Variants in EYS observed in about 807,000 individuals in gnomAD.
EYS encodes the protein protein eyes shut homolog.
In EYS, 250 loss-of-function variants were observed where a neutral mutation model predicts 282.1. The observed-to-expected ratio is 0.89, with a 90% CI of 0.80 to 0.98. The LOEUF (loss-of-function observed/expected upper bound fraction) is 0.98, where lower values mean the gene tolerates loss of function less well. Ranked by LOEUF, EYS falls within the 50% of genes least tolerant of loss-of-function variation. The pLI is 0.00. For synonymous variants in EYS, 1,355 were observed against 1,282.9 expected (o/e 1.06, Z -1.20); for missense variants, 4,016 against 3,709.0 (o/e 1.08, Z -2.15).
chr6:64,167,420 C>A (rs73443031), intron 31 of EYS, among the ~76,000 whole-genome samples: 23 of 152,226 alleles, frequency 1.5e-4, no homozygotes, highest in African/African-American at 5.5e-4. Context: ...ATGACAATGC[C>A]AATATTCAGA....
Position 65,384,487 on chromosome 6 carries a change from A to C in EYS, c.1198T>G (p.Phe400Val), listed in dbSNP as rs1162855017. 1.3e-6 allele frequency: 2 copies of C among 1,566,092 alleles called. No individual in the cohort carries two copies. Among genetic ancestry groups the C allele is most frequent in the Admixed American group, 1.7e-5 (1 of 59,644 alleles). The change falls in exon 8 of 43, where the codon TTT becomes GTT. Residue 400 changes from phenylalanine to valine, a missense_variant. Phe to Val is a conservative substitution (Grantham distance 50). Coordinates refer to ENST00000503581, the MANE Select transcript of EYS (RefSeq NM_001142800.2). ...KDYPCSCISGFTEKNCEKAID... is the reference protein window; with the variant it reads ...KDYPCSCISGVTEKNCEKAID... ...GCTTTCTCACAGTTTTTTTCAGTAA[A>C]TCCTGATATACAGCTGTAAATACAT... is the stretch of plus-strand genomic sequence containing the variant.
chr6:64,316,620 T>A (rs1723154905), intron 29 of EYS, among the ~76,000 whole-genome samples: 1 of 152,036 alleles, frequency 6.6e-6, no homozygotes, highest in African/African-American at 2.4e-5. Flanking sequence ...ATCAGTATTC[T>A]AAAATGGCCA....
intron 36 of EYS, among the ~76,000 whole-genome samples, chr6:63,827,599 C>T (rs1279227439): frequency 6.6e-6 from 1 of 152,096 alleles, no homozygotes; most frequent in Non-Finnish European, 1.5e-5. Context: ...AATCCTAGCA[C>T]TTTGGGAGGC....
chr6:64,052,685 G>A (rs967969817), intron 33 of EYS, among the ~76,000 whole-genome samples: 4 of 152,094 alleles, frequency 2.6e-5, no homozygotes, highest in African/African-American at 7.2e-5. Context: ...TAATCCTCAC[G>A]TGTTAAGGGC....
At chr6:63,836,312 G>A (rs191838726) in intron 36 of EYS, among the ~76,000 whole-genome samples, 5 of 151,908 alleles carry the variant, frequency 3.3e-5, no homozygotes, top group Admixed American at 2.0e-4. Flanking sequence ...TTGCTCTTAG[G>A]TGAATGTAAA....
chr6:65,650,977 G>T (rs1265337081), intron 1 of EYS, among the ~76,000 whole-genome samples: 1 of 152,114 alleles, frequency 6.6e-6, no homozygotes, highest in Non-Finnish European at 1.5e-5. Flanking sequence ...TGAGCTGCAA[G>T]AAAATGGGAC....
intron 14 of EYS, among the ~76,000 whole-genome samples, chr6:64,970,189 C>A (rs561811945): frequency 6.6e-6 from 1 of 151,530 alleles, no homozygotes; most frequent in Admixed American, 6.6e-5. Context: ...GTAATGAATG[C>A]ATAAAGTGTA....
chr6:64,139,967 C>CAATA (rs68103337), intron 31 of EYS, among the ~76,000 whole-genome samples: 4,267 of 143,702 alleles, frequency 0.03, 70 homozygotes, highest in East Asian at 0.055. Context: ...GATTCTGTCT[C>CAATA]AATAAATAAA....
At chr6:64,188,454 A>G (rs1765010771) in intron 31 of EYS, among the ~76,000 whole-genome samples, 1 of 152,180 alleles carries the variant, frequency 6.6e-6, no homozygotes, top group African/African-American at 2.4e-5. Context: ...GTATGTCTCA[A>G]TCGCTTTTTA....
At chr6:65,520,888 T>C (rs543286631) in intron 2 of EYS, among the ~76,000 whole-genome samples, 45 of 152,170 alleles carry the variant, frequency 3.0e-4, no homozygotes, top group Middle Eastern at 6.8e-3. Flanking sequence ...TAGTGCTTGA[T>C]TGCATATTTC....
At chr6:64,010,326 A>G (rs1239689485) in intron 33 of EYS, among the ~76,000 whole-genome samples, 1 of 127,406 alleles carries the variant, frequency 7.8e-6, no homozygotes, top group African/African-American at 3.2e-5. Flanking sequence ...GGGTGTTGGC[A>G]GGTGCAGGGC....
At chr6:64,581,420 G>T (rs1266913464) in intron 26 of EYS, among the ~76,000 whole-genome samples, 1 of 152,018 alleles carries the variant, frequency 6.6e-6, no homozygotes, top group East Asian at 1.9e-4. Context: ...TACCGTTACA[G>T]GTAATTAGAT....
At chr6:64,875,440 C>T (rs75837193) in intron 19 of EYS, among the ~76,000 whole-genome samples, 2,606 of 152,084 alleles carry the variant, frequency 0.017, 74 homozygotes, top group African/African-American at 0.06. Flanking sequence ...ATATCTTCTT[C>T]CTTGTCCAGC....
intron 29 of EYS, among the ~76,000 whole-genome samples, chr6:64,307,614 G>A (rs1395575117): frequency 6.6e-6 from 1 of 151,990 alleles, no homozygotes; most frequent in Non-Finnish European, 1.5e-5. Context: ...CAGATATTTA[G>A]AATAAACAAA....
chr6:64,138,337 G>A (rs1027461072), intron 31 of EYS, among the ~76,000 whole-genome samples: 7 of 152,122 alleles, frequency 4.6e-5, no homozygotes, highest in Admixed American at 4.6e-4. Context: ...CATTTGTGAA[G>A]TGAGAAAGAA....
intron 22 of EYS, among the ~76,000 whole-genome samples, chr6:64,698,440 A>G (rs965695233): frequency 6.6e-5 from 10 of 152,132 alleles, no homozygotes; most frequent in African/African-American, 1.9e-4. Flanking sequence ...CTAACCAAGA[A>G]AAGAAGAGGG....
intron 15 of EYS, among the ~76,000 whole-genome samples, chr6:64,916,777 G>A (rs1055329640): frequency 6.6e-6 from 1 of 152,148 alleles, no homozygotes. Flanking sequence ...GTAAGTGCGT[G>A]CCTAAAGATA....
chr6:64,317,700 A>C (rs1770030155), intron 29 of EYS, among the ~76,000 whole-genome samples: 1 of 152,162 alleles, frequency 6.6e-6, no homozygotes, highest in Admixed American at 6.6e-5. Flanking sequence ...AGGGATTATA[A>C]ATAATTCTAC....
At chr6:63,842,419 T>G (rs1431954022) in intron 36 of EYS, among the ~76,000 whole-genome samples, 4 of 152,246 alleles carry the variant, frequency 2.6e-5, no homozygotes, top group African/African-American at 9.6e-5. Context: ...TTTTGAAAAG[T>G]GTCTGTTCAT....
Sources: gnomAD v4.1 joint callset for allele counts (sites outside exome capture counted in the v4.1 genomes callset) on GRCh38, gnomAD v4.1.1 for gene constraint, MANE v1.5 for transcripts, NCBI Gene and HGNC (gene_info 2026-07-23, HGNC 2026-07-21) for gene names.